TRDN: variants seen among roughly 807,000 people sequenced by gnomAD.
TRDN encodes the protein triadin in skeletal muscle.
In TRDN, 161 loss-of-function variants were observed where a neutral mutation model predicts 149.7. The ratio of observed to expected loss-of-function variants is 1.08; its 90% CI spans 0.95 to 1.23. The LOEUF is 1.23. Ranked by LOEUF, TRDN falls within the 50% of genes most tolerant of loss-of-function variation. The pLI, the probability that TRDN is intolerant of heterozygous loss-of-function variation, is 0.00. For missense variants in TRDN, 896 were observed against 823.5 expected (o/e 1.09, Z -1.08); for synonymous variants, 294 against 250.5 (o/e 1.17, Z -1.64).
intron 30 of TRDN, 72 bp downstream of exon 30, chr6:123,271,067 G>T: frequency 1.2e-6 from 1 of 834,258 alleles, no homozygotes; most frequent in Non-Finnish European, 1.8e-6. Context: ...GTGTGTGTCT[G>T]CATGCACACA....
chr6:123,350,006 A>ATGAATTT, intron 21 of TRDN: 1 of 985,378 alleles, frequency 1.0e-6, no homozygotes. Context: ...TAGCCCATTT[A>ATGAATTT]TGAATTTTGA....
chr6:123,226,848 T>C (rs535625761), intron 38 of TRDN, among the ~76,000 whole-genome samples: 1 of 151,980 alleles, frequency 6.6e-6, no homozygotes, highest in Non-Finnish European at 1.5e-5. Flanking sequence ...AATGAAATTT[T>C]AAAGAGTGAC....
At chr6:123,463,970 G>T (rs1264301467) in intron 10 of TRDN, among the ~76,000 whole-genome samples, 2 of 152,116 alleles carry the variant, frequency 1.3e-5, no homozygotes, top group African/African-American at 2.4e-5. Flanking sequence ...TGTCCACATT[G>T]CACACAGAAG....
At chr6:123,494,897 C>G (rs1258599923) in intron 9 of TRDN, among the ~76,000 whole-genome samples, 1 of 152,026 alleles carries the variant, frequency 6.6e-6, no homozygotes, top group Non-Finnish European at 1.5e-5. Context: ...CCAAACCTGG[C>G]TAATTTTTGT....
intron 12 of TRDN, among the ~76,000 whole-genome samples, chr6:123,420,317 G>C (rs1197974331): frequency 6.6e-6 from 1 of 152,110 alleles, no homozygotes; most frequent in African/African-American, 2.4e-5. Context: ...AAAGATGGCA[G>C]CTGAAATACA....
intron 12 of TRDN, among the ~76,000 whole-genome samples, chr6:123,395,613 G>A (rs900678538): frequency 1.4e-4 from 22 of 151,914 alleles, no homozygotes; most frequent in African/African-American, 4.8e-4. Context: ...ATTGTCCCGC[G>A]TCCAACACAT....
At chr6:123,503,164 A>G (rs1778770530) in intron 8 of TRDN, 1 of 985,080 alleles carries the variant, frequency 1.0e-6, no homozygotes, top group African/African-American at 1.7e-5. Context: ...ATGGAAACTG[A>G]AAAAGAAACT....
At chr6:123,590,639 A>G (rs551259831) in intron 1 of TRDN, among the ~76,000 whole-genome samples, 40 of 152,086 alleles carry the variant, frequency 2.6e-4, no homozygotes, top group African/African-American at 8.4e-4. Flanking sequence ...GCACATGCCT[A>G]TAGTCCCAAC....
intron 1 of TRDN, among the ~76,000 whole-genome samples, chr6:123,602,468 T>C (rs1197271810): frequency 1.3e-5 from 2 of 152,066 alleles, no homozygotes; most frequent in Non-Finnish European, 1.5e-5. Flanking sequence ...AGACTACATA[T>C]TGGGTACAGT....
At chr6:123,302,364 A>C (rs969885406) in intron 24 of TRDN, among the ~76,000 whole-genome samples, 6 of 152,028 alleles carry the variant, frequency 3.9e-5, no homozygotes, top group African/African-American at 1.4e-4. Context: ...GGGTTTATTT[A>C]TTTCTTTTAA....
At chr6:123,279,576 C>G (rs1777509890) in intron 24 of TRDN, among the ~76,000 whole-genome samples, 1 of 151,678 alleles carries the variant, frequency 6.6e-6, no homozygotes, top group Non-Finnish European at 1.5e-5. Context: ...TGTCACTGTT[C>G]AACTCAACTT....
chr6:123,631,668 C>A (rs1240799759), intron 1 of TRDN, among the ~76,000 whole-genome samples: 1 of 151,898 alleles, frequency 6.6e-6, no homozygotes, highest in Non-Finnish European at 1.5e-5. Flanking sequence ...AAATTAAATT[C>A]TTATTAAAAG....
chr6:123,377,917 G>A lies in TRDN; in HGVS notation c.1187-19C>T, dbSNP rs776477659. ...TCCTGTTCTGAAACATATTATTATT[G>A]TTATTATTATTATCGTTATTATTCT... On this transcript the variant is annotated intron_variant, in intron 16 of 40. Coordinates refer to ENST00000334268, the MANE Select transcript of TRDN (RefSeq NM_006073.4). 7.1e-7 allele frequency: 1 copy of A among 1,407,546 alleles called. No homozygotes were observed. The highest frequency in any genetic ancestry group is 1.3e-5 in the South Asian group (1 of 75,478). The allele number at this position is 1,407,546 out of a possible 1,614,324, so 87.2% of individuals were successfully genotyped here.
intron 12 of TRDN, chr6:123,418,372 T>A (rs1208888572): frequency 1.3e-5 from 2 of 152,144 alleles, no homozygotes; most frequent in African/African-American, 4.8e-5. Context: ...AGTTACTGAA[T>A]CAAGTAGTTG....
At chr6:123,264,828 A>T (rs1776885452) in intron 33 of TRDN, among the ~76,000 whole-genome samples, 1 of 152,050 alleles carries the variant, frequency 6.6e-6, no homozygotes, top group Non-Finnish European at 1.5e-5. Flanking sequence ...CTGGTTTCAG[A>T]TGATCACTAA....
chr6:123,423,038 C>T (rs1773975587), intron 12 of TRDN, among the ~76,000 whole-genome samples: 4 of 152,140 alleles, frequency 2.6e-5, no homozygotes, highest in Admixed American at 2.0e-4. Context: ...AATGTAACAG[C>T]GTTATGGGTA....
At chr6:123,292,726 A>T (rs1672367784) in intron 24 of TRDN, among the ~76,000 whole-genome samples, 1 of 152,126 alleles carries the variant, frequency 6.6e-6, no homozygotes, top group South Asian at 2.1e-4. Flanking sequence ...TCCAGGGTTA[A>T]CCTATGTCTT....
At chr6:123,610,528 C>T (rs1431407405) in intron 1 of TRDN, among the ~76,000 whole-genome samples, 1 of 152,162 alleles carries the variant, frequency 6.6e-6, no homozygotes, top group African/African-American at 2.4e-5. Flanking sequence ...TTCATAGTCG[C>T]TGTCTTTACT....
At chr6:123,388,808 A>G (rs1294811840) in intron 13 of TRDN, among the ~76,000 whole-genome samples, 1 of 152,180 alleles carries the variant, frequency 6.6e-6, no homozygotes, top group Non-Finnish European at 1.5e-5. Context: ...ATTTATATGT[A>G]TATGCTTAGT....
Sources: gnomAD v4.1 joint callset for allele counts (sites outside exome capture counted in the v4.1 genomes callset) on GRCh38, gnomAD v4.1.1 for gene constraint, MANE v1.5 for transcripts, NCBI Gene and HGNC (gene_info 2026-07-23, HGNC 2026-07-21) for gene names.